TBC1D22A: variants seen among roughly 807,000 people sequenced by gnomAD.
The protein encoded by TBC1D22A is putative GTPase activator.
In TBC1D22A, 38 loss-of-function variants were observed where a neutral mutation model predicts 60.2. The ratio of observed to expected loss-of-function variants is 0.63; its 90% CI spans 0.49 to 0.83. TBC1D22A has a LOEUF of 0.83. Among genes scored for constraint, TBC1D22A ranks in the 40% least tolerant of loss-of-function variants. TBC1D22A has a pLI of 0.00. For missense variants in TBC1D22A, 628 were observed against 701.0 expected (o/e 0.90, Z 1.18); for synonymous variants, 302 against 281.7 (o/e 1.07, Z -0.72).
intron 12 of TBC1D22A, among the ~76,000 whole-genome samples, chr22:47,146,739 G>C (rs1460517694): frequency 6.6e-6 from 1 of 152,190 alleles, no homozygotes; most frequent in Non-Finnish European, 1.5e-5. Context: ...GGCTTTGCCT[G>C]CCGGGACACA....
At chr22:46,941,501 A>G (rs2072079544) in intron 8 of TBC1D22A, among the ~76,000 whole-genome samples, 1 of 138,458 alleles carries the variant, frequency 7.2e-6, no homozygotes, top group Non-Finnish European at 1.6e-5. Flanking sequence ...TATACACGGA[A>G]TATATATACG....
intron 8 of TBC1D22A, among the ~76,000 whole-genome samples, chr22:46,941,827 A>G (rs1279538685): frequency 0.12 from 11,649 of 99,278 alleles, 1,045 homozygotes; most frequent in African/African-American, 0.27. Flanking sequence ...TATAGAATAT[A>G]TAGAATAATA....
chr22:47,169,219 G>A (rs1362628938), intron 12 of TBC1D22A, among the ~76,000 whole-genome samples: 1 of 152,168 alleles, frequency 6.6e-6, no homozygotes, highest in African/African-American at 2.4e-5. Flanking sequence ...CTTCTGCCTG[G>A]GTGGTGTGGG....
intron 12 of TBC1D22A, among the ~76,000 whole-genome samples, chr22:47,157,919 A>G (rs2067790132): frequency 6.6e-6 from 1 of 151,406 alleles, no homozygotes. Context: ...GGCAGGGGTA[A>G]CTGGGGGACT....
chr22:46,787,360 T>TG (rs1446085457), intron 1 of TBC1D22A, among the ~76,000 whole-genome samples: 1 of 152,228 alleles, frequency 6.6e-6, no homozygotes, highest in African/African-American at 2.4e-5. Context: ...GCTATGGTTC[T>TG]GGGAGTTGCC....
chr22:46,862,794 C>T lies in TBC1D22A; in HGVS notation c.638-15859C>T, dbSNP rs574175472. 7.2e-5 allele frequency among the ~76,000 whole-genome samples: 11 copies of T among 152,138 alleles called. No individual in the cohort carries two copies. The East Asian group carries it at 1.4e-3, about 19-fold the overall frequency. On this transcript the variant is annotated intron_variant, in intron 4 of 12. Coordinates refer to ENST00000337137, the MANE Select transcript of TBC1D22A (RefSeq NM_014346.5). ...ACCCTGGGAGGTGCAGCTGAGAGGC[C>T]GGATGCTGGGGCTTTTTGGAATGGA...
At chr22:46,848,238 A>G (rs766167176) in intron 4 of TBC1D22A, among the ~76,000 whole-genome samples, 9 of 152,242 alleles carry the variant, frequency 5.9e-5, no homozygotes, top group Non-Finnish European at 8.8e-5. Flanking sequence ...GTGTCAGAAG[A>G]GCCCCAGAAG....
intron 5 of TBC1D22A, 68 bp downstream of exon 5, chr22:46,878,791 A>C: frequency 2.0e-6 from 3 of 1,504,424 alleles, no homozygotes; most frequent in Non-Finnish European, 2.8e-6. Flanking sequence ...GTCTGGCCTG[A>C]GTAGGGCCTG....
chr22:47,156,059 G>GC (rs543713005), intron 12 of TBC1D22A, among the ~76,000 whole-genome samples: 19 of 152,228 alleles, frequency 1.2e-4, no homozygotes, highest in Admixed American at 2.6e-4. Context: ...CTGCTGGTGA[G>GC]CCCCCTCCCC....
intron 11 of TBC1D22A, among the ~76,000 whole-genome samples, chr22:47,044,794 TG>T (rs1360219352): frequency 1.6e-4 from 25 of 152,230 alleles, no homozygotes; most frequent in Non-Finnish European, 1.5e-5. Context: ...GTCAGTGTCC[TG>T]GGGATTTAAT....
chr22:47,146,659 G>C (rs1365923133), intron 12 of TBC1D22A, among the ~76,000 whole-genome samples: 1 of 152,224 alleles, frequency 6.6e-6, no homozygotes, highest in Non-Finnish European at 1.5e-5. Context: ...TTACAGGACA[G>C]GCAGCGAGAT....
At chr22:46,785,462 A>G (rs2084119463) in intron 1 of TBC1D22A, among the ~76,000 whole-genome samples, 1 of 152,234 alleles carries the variant, frequency 6.6e-6, no homozygotes, top group African/African-American at 2.4e-5. Context: ...TTCACCCACA[A>G]TAGCCTTCAC....
At position 47,123,879 on chromosome 22, in the gene TBC1D22A, T is replaced by G. The variant is rs376170165; in HGVS notation, c.1425+12276T>G. On this transcript the variant is annotated intron_variant, in intron 12 of 12. Coordinates refer to ENST00000337137, the MANE Select transcript of TBC1D22A (RefSeq NM_014346.5). ...GTGAGATCAGGTTTGTGTTGCTGTGTGGGGTTTGTGTTGCTGTGTGGGGTT... is the reference window on the plus strand; with the variant it reads ...GTGAGATCAGGTTTGTGTTGCTGTGGGGGGTTTGTGTTGCTGTGTGGGGTT... 3.6e-3 allele frequency among the ~76,000 whole-genome samples: 552 copies of G among 152,094 alleles called. 9 individuals are homozygous for G. The highest frequency in any genetic ancestry group is 0.021 in the South Asian group (99 of 4,810).
At chr22:46,874,134 A>G (rs1434753385) in intron 4 of TBC1D22A, among the ~76,000 whole-genome samples, 1 of 152,096 alleles carries the variant, frequency 6.6e-6, no homozygotes, top group East Asian at 1.9e-4. Context: ...TTATGGCTGC[A>G]TAGTATTCCA....
chr22:46,935,737 CGT>C (rs1602549817), intron 8 of TBC1D22A, among the ~76,000 whole-genome samples: 1 of 152,200 alleles, frequency 6.6e-6, no homozygotes, highest in South Asian at 2.1e-4. Context: ...CAAAGATGCC[CGT>C]GTCTCTGTAG....
intron 8 of TBC1D22A, among the ~76,000 whole-genome samples, chr22:46,920,684 T>G (rs191055228): frequency 6.6e-6 from 1 of 152,362 alleles, no homozygotes; most frequent in African/African-American, 2.4e-5. Context: ...CAGAAAGTTT[T>G]TGTGTTTATA....
intron 4 of TBC1D22A, among the ~76,000 whole-genome samples, chr22:46,800,415 G>A (rs543297823): frequency 1.3e-5 from 2 of 152,012 alleles, no homozygotes; most frequent in African/African-American, 4.8e-5. Flanking sequence ...ACCCATCTTG[G>A]CCACTTCCTC....
chr22:46,866,806 A>G (rs2067077248), intron 4 of TBC1D22A, among the ~76,000 whole-genome samples: 2 of 152,252 alleles, frequency 1.3e-5, no homozygotes, highest in African/African-American at 2.4e-5. Flanking sequence ...GGGCTGTGCT[A>G]GTGCAGCAGG....
chr22:46,967,478 T>G (rs1422739145), intron 8 of TBC1D22A, among the ~76,000 whole-genome samples: 1 of 152,244 alleles, frequency 6.6e-6, no homozygotes, highest in Non-Finnish European at 1.5e-5. Context: ...GTTAAGCTCC[T>G]AATTAAGTGA....
Sources: gnomAD v4.1 joint callset for allele counts (sites outside exome capture counted in the v4.1 genomes callset) on GRCh38, gnomAD v4.1.1 for gene constraint, MANE v1.5 for transcripts, NCBI Gene and HGNC (gene_info 2026-07-23, HGNC 2026-07-21) for gene names.